SLC9A9: variants seen among roughly 807,000 people sequenced by gnomAD.
The protein encoded by SLC9A9 is sodium/hydrogen exchanger 9.
In SLC9A9, 62 loss-of-function variants were observed where a neutral mutation model predicts 77.8. The ratio of observed to expected loss-of-function variants is 0.80; its 90% CI spans 0.65 to 0.98. SLC9A9 has a LOEUF of 0.98. SLC9A9 is among the 50% of genes least tolerant of loss of function. The pLI, the probability that SLC9A9 is intolerant of heterozygous loss-of-function variation, is 0.00. For synonymous variants in SLC9A9, 320 were observed against 283.5 expected (o/e 1.13, Z -1.29); for missense variants, 775 against 774.9 (o/e 1.00, Z 0.00).
chr3:143,784,371 A>T (rs2007978705), intron 4 of SLC9A9, among the ~76,000 whole-genome samples: 1 of 152,130 alleles, frequency 6.6e-6, no homozygotes, highest in South Asian at 2.1e-4. Flanking sequence ...TTCACTATAA[A>T]CTGGTTCTGG....
chr3:143,786,091 G>A (rs1030865645), intron 4 of SLC9A9, among the ~76,000 whole-genome samples: 32 of 151,818 alleles, frequency 2.1e-4, no homozygotes, highest in Admixed American at 3.3e-4. Flanking sequence ...TCCTGACCTC[G>A]TGATCCGCCC....
At chr3:143,576,232 C>T (rs1038990117) in intron 7 of SLC9A9, among the ~76,000 whole-genome samples, 2 of 152,212 alleles carry the variant, frequency 1.3e-5, no homozygotes, top group Non-Finnish European at 2.9e-5. Flanking sequence ...GTCTCAGTTT[C>T]CTTAGCTGTA....
intron 12 of SLC9A9, among the ~76,000 whole-genome samples, chr3:143,443,304 C>T (rs2034780954): frequency 6.6e-6 from 1 of 152,012 alleles, no homozygotes; most frequent in Non-Finnish European, 1.5e-5. Flanking sequence ...CCTCCTTGCC[C>T]ATGTGCCTGC....
intron 12 of SLC9A9, among the ~76,000 whole-genome samples, chr3:143,403,033 TCTTA>T (rs550927576): frequency 2.5e-3 from 377 of 152,170 alleles, no homozygotes; most frequent in African/African-American, 8.4e-3. Context: ...TTTGCTCCAC[TCTTA>T]CTTACTGAAC....
At chr3:143,645,136 C>T (rs951861273) in intron 6 of SLC9A9, among the ~76,000 whole-genome samples, 1 of 152,138 alleles carries the variant, frequency 6.6e-6, no homozygotes, top group Admixed American at 6.5e-5. Context: ...TATTATAAAA[C>T]GTCTCCCCAT....
At chr3:143,637,510 T>G (rs964734935) in intron 6 of SLC9A9, among the ~76,000 whole-genome samples, 9 of 152,196 alleles carry the variant, frequency 5.9e-5, no homozygotes, top group Admixed American at 4.6e-4. Context: ...TGATTTATAT[T>G]TCAAATTTCA....
At chr3:143,695,962 G>A (rs1260537924) in intron 4 of SLC9A9, among the ~76,000 whole-genome samples, 1 of 151,746 alleles carries the variant, frequency 6.6e-6, no homozygotes, top group Non-Finnish European at 1.5e-5. Context: ...CTTTTGAGAA[G>A]TGTCTGTTCA....
intron 14 of SLC9A9, among the ~76,000 whole-genome samples, chr3:143,362,522 C>T (rs1201297396): frequency 1.3e-5 from 2 of 152,178 alleles, no homozygotes; most frequent in East Asian, 3.9e-4. Context: ...GCCTCCCCTC[C>T]CCTGTCCATT....
chr3:143,732,448 C>T (rs1217618767), intron 4 of SLC9A9, among the ~76,000 whole-genome samples: 3 of 152,176 alleles, frequency 2.0e-5, no homozygotes, highest in Non-Finnish European at 1.5e-5. Context: ...ATACCATTAG[C>T]AACCTGTTTC....
chr3:143,682,775 T>C (rs1008147485), intron 5 of SLC9A9, among the ~76,000 whole-genome samples: 1 of 152,090 alleles, frequency 6.6e-6, no homozygotes, highest in Non-Finnish European at 1.5e-5. Context: ...TTCCTCCATC[T>C]TCAAAGTCAG....
At chr3:143,390,785 G>A (rs1275218981) in intron 12 of SLC9A9, among the ~76,000 whole-genome samples, 1 of 152,186 alleles carries the variant, frequency 6.6e-6, no homozygotes, top group Non-Finnish European at 1.5e-5. Flanking sequence ...CTTAGCAAAT[G>A]GCACACCAGG....
At chr3:143,789,823 G>A (rs952419730) in intron 4 of SLC9A9, among the ~76,000 whole-genome samples, 6 of 152,238 alleles carry the variant, frequency 3.9e-5, no homozygotes, top group South Asian at 4.1e-4. Context: ...CCTATGCTGT[G>A]TATATTCAAG....
chr3:143,383,160 G>T (rs548382879), intron 12 of SLC9A9, among the ~76,000 whole-genome samples: 1 of 152,306 alleles, frequency 6.6e-6, no homozygotes, highest in South Asian at 2.1e-4. Context: ...ATGATTAGAA[G>T]AATTTTCAAC....
intron 12 of SLC9A9, among the ~76,000 whole-genome samples, chr3:143,459,281 C>A (rs1300273927): frequency 6.6e-6 from 1 of 151,930 alleles, no homozygotes; most frequent in Non-Finnish European, 1.5e-5. Context: ...TCTTGTGAGA[C>A]ATTAAGATTT....
At chr3:143,333,197 G>A (rs1020984077) in intron 14 of SLC9A9, among the ~76,000 whole-genome samples, 1 of 151,986 alleles carries the variant, frequency 6.6e-6, no homozygotes, top group African/African-American at 2.4e-5. Flanking sequence ...TTTCACGCTT[G>A]TGATTTCTGT....
chr3:143,739,806 G>A (rs949847231), intron 4 of SLC9A9, among the ~76,000 whole-genome samples: 3 of 152,092 alleles, frequency 2.0e-5, no homozygotes, highest in Non-Finnish European at 2.9e-5. Context: ...AGTATCTCCT[G>A]GGAATTTGTT....
chr3:143,314,854 ACT>A (rs1433701788), intron 14 of SLC9A9, among the ~76,000 whole-genome samples: 2 of 152,086 alleles, frequency 1.3e-5, no homozygotes, highest in Admixed American at 1.3e-4. Flanking sequence ...CAAGAGCCAC[ACT>A]CTTGGTGATT....
At chr3:143,278,013 G>T (rs1458562167) in intron 14 of SLC9A9, among the ~76,000 whole-genome samples, 1 of 152,124 alleles carries the variant, frequency 6.6e-6, no homozygotes, top group Non-Finnish European at 1.5e-5. Flanking sequence ...ACTCCCTGGG[G>T]CTGGGTCCCC....
At chr3:143,388,989 C>T (rs1351216232) in intron 12 of SLC9A9, among the ~76,000 whole-genome samples, 2 of 152,068 alleles carry the variant, frequency 1.3e-5, no homozygotes, top group African/African-American at 2.4e-5. Context: ...TGGGCAAAGG[C>T]ATAGGGGAAC....
Sources: gnomAD v4.1 joint callset for allele counts (sites outside exome capture counted in the v4.1 genomes callset) on GRCh38, gnomAD v4.1.1 for gene constraint, MANE v1.5 for transcripts, NCBI Gene and HGNC (gene_info 2026-07-23, HGNC 2026-07-21) for gene names.